Variants in OTUD7A observed in about 807,000 individuals in gnomAD.
OTUD7A encodes the protein OTU domain-containing protein 7A.
OTUD7A carries 12 observed loss-of-function variants against 65.7 expected under a neutral mutation model. The ratio of observed to expected loss-of-function variants is 0.18; its 90% confidence interval spans 0.12 to 0.30. The LOEUF (loss-of-function observed/expected upper bound fraction) is 0.30, where lower values mean the gene tolerates loss of function less well. OTUD7A is among the 10% of genes least tolerant of loss of function. The pLI, the probability that OTUD7A is intolerant of heterozygous loss-of-function variation, is 1.00. For missense variants in OTUD7A, 1,148 were observed against 1,304.8 expected (o/e 0.88, Z 1.85); for synonymous variants, 641 against 586.3 (o/e 1.09, Z -1.35).
At chr15:31,816,687 CAA>C (rs879438355) in intron 1 of OTUD7A, among the ~76,000 whole-genome samples, 1 of 132,214 alleles carries the variant, frequency 7.6e-6, no homozygotes, top group African/African-American at 2.8e-5. Context: ...GACTCCGTCT[CAA>C]AAAAAAAAAA....
At chr15:31,561,938 T>C (rs138859330) in intron 4 of OTUD7A, among the ~76,000 whole-genome samples, 179 of 152,288 alleles carry the variant, frequency 1.2e-3, no homozygotes, top group Non-Finnish European at 2.2e-3. Context: ...AAACAAAACA[T>C]AGTACAAGAA....
intron 1 of OTUD7A, among the ~76,000 whole-genome samples, chr15:31,675,101 G>GAAA (rs537762884): frequency 6.9e-6 from 1 of 144,258 alleles, no homozygotes; most frequent in African/African-American, 2.5e-5. Flanking sequence ...AGAGGCAATA[G>GAAA]AAAAAAAAAA....
chr15:31,551,994 G>C (rs537693824), intron 5 of OTUD7A, among the ~76,000 whole-genome samples: 1 of 152,338 alleles, frequency 6.6e-6, no homozygotes, highest in African/African-American at 2.4e-5. Flanking sequence ...AGGGGGGCCT[G>C]GTGGGAGGTG....
At chr15:31,608,643 T>TACCC (rs1244776959) in intron 3 of OTUD7A, among the ~76,000 whole-genome samples, 2 of 152,210 alleles carry the variant, frequency 1.3e-5, no homozygotes, top group African/African-American at 4.8e-5. Flanking sequence ...TGAAAAATCG[T>TACCC]AAGTTGAACT....
intron 1 of OTUD7A, among the ~76,000 whole-genome samples, chr15:31,788,636 C>T (rs774470258): frequency 6.6e-6 from 1 of 152,110 alleles, no homozygotes; most frequent in African/African-American, 2.4e-5. Flanking sequence ...TTGTGTTGGC[C>T]CCAGAGTGGG....
At chr15:31,657,773 C>G (rs1051629463) in intron 1 of OTUD7A, among the ~76,000 whole-genome samples, 1 of 152,182 alleles carries the variant, frequency 6.6e-6, no homozygotes, top group Non-Finnish European at 1.5e-5. Context: ...CCCCAGCTAC[C>G]TGGGCCATCC....
chr15:31,614,200 A>AT (rs1225987649), intron 3 of OTUD7A, among the ~76,000 whole-genome samples: 1 of 152,104 alleles, frequency 6.6e-6, no homozygotes, highest in African/African-American at 2.4e-5. Flanking sequence ...GGTGCAGTGT[A>AT]TTACTGCTCA....
intron 1 of OTUD7A, among the ~76,000 whole-genome samples, chr15:31,857,094 G>A (rs550408267): frequency 1.3e-5 from 2 of 152,358 alleles, no homozygotes; most frequent in African/African-American, 4.8e-5. Context: ...GCTTAAAGAA[G>A]TGAGACACTT....
At chr15:31,583,724 A>G (rs905797343) in intron 3 of OTUD7A, among the ~76,000 whole-genome samples, 2 of 151,898 alleles carry the variant, frequency 1.3e-5, no homozygotes, top group African/African-American at 2.4e-5. Flanking sequence ...CTTTTTCTTT[A>G]TAAATTACCC....
At chr15:31,554,096 C>G (rs1439523446) in intron 5 of OTUD7A, among the ~76,000 whole-genome samples, 1 of 152,122 alleles carries the variant, frequency 6.6e-6, no homozygotes, top group Non-Finnish European at 1.5e-5. Flanking sequence ...GTTAGACTCC[C>G]TCTGCCAGGA....
At chr15:31,694,906 C>T (rs1343559713) in intron 1 of OTUD7A, among the ~76,000 whole-genome samples, 3 of 151,540 alleles carry the variant, frequency 2.0e-5, no homozygotes, top group Non-Finnish European at 2.9e-5. Context: ...AGTGCAGTGG[C>T]GCGATCTCGG....
At chr15:31,574,320 A>G (rs1480434221) in intron 3 of OTUD7A, among the ~76,000 whole-genome samples, 1 of 152,186 alleles carries the variant, frequency 6.6e-6, no homozygotes, top group African/African-American at 2.4e-5. Flanking sequence ...CTATGACAGA[A>G]CTAAAACCAA....
At chr15:31,656,342 T>TA (rs1163056386) in intron 2 of OTUD7A, among the ~76,000 whole-genome samples, 2 of 151,998 alleles carry the variant, frequency 1.3e-5, no homozygotes, top group Admixed American at 6.5e-5. Context: ...GTCTGCAAGT[T>TA]ATAGACCATG....
chr15:31,586,307 A>C (rs1889534908), intron 3 of OTUD7A, among the ~76,000 whole-genome samples: 1 of 152,260 alleles, frequency 6.6e-6, no homozygotes, highest in African/African-American at 2.4e-5. Flanking sequence ...ATGAAAGTCT[A>C]AATTCCATAC....
intron 5 of OTUD7A, among the ~76,000 whole-genome samples, chr15:31,553,354 A>G (rs1888387154): frequency 6.6e-6 from 1 of 151,718 alleles, no homozygotes; most frequent in Non-Finnish European, 1.5e-5. Context: ...AGTGTGTCCA[A>G]CTCATGCTCA....
intron 1 of OTUD7A, among the ~76,000 whole-genome samples, chr15:31,748,834 T>C (rs567289415): frequency 6.6e-6 from 1 of 152,284 alleles, no homozygotes; most frequent in Admixed American, 6.5e-5. Flanking sequence ...ACAATTTATT[T>C]TTGCATTATA....
intron 1 of OTUD7A, among the ~76,000 whole-genome samples, chr15:31,746,040 T>C (rs563805703): frequency 2.0e-5 from 3 of 152,226 alleles, no homozygotes; most frequent in East Asian, 1.9e-4. Flanking sequence ...ACATCAAGTG[T>C]TGACAAGGAT....
chr15:31,694,734 G>C (rs1893035541), intron 1 of OTUD7A, among the ~76,000 whole-genome samples: 2 of 152,088 alleles, frequency 1.3e-5, no homozygotes, highest in South Asian at 2.1e-4. Context: ...TTCTGTGCCT[G>C]GCTTATTTCA....
intron 1 of OTUD7A, among the ~76,000 whole-genome samples, chr15:31,838,601 C>T (rs1897110105): frequency 6.6e-6 from 1 of 152,124 alleles, no homozygotes; most frequent in Non-Finnish European, 1.5e-5. Context: ...CTTGAGGACA[C>T]CCACCACTGC....
Sources: allele counts gnomAD v4.1 joint callset (sites outside exome capture counted in the v4.1 genomes callset), GRCh38; gene constraint gnomAD v4.1.1; transcripts MANE v1.5; gene names NCBI Gene and HGNC (gene_info 2026-07-23, HGNC 2026-07-21).